RBFOX1: variants seen among roughly 807,000 people sequenced by gnomAD.
RBFOX1 encodes RNA binding protein fox-1 homolog 1.
In RBFOX1, 8 loss-of-function variants were observed where a neutral mutation model predicts 57.7. The ratio of observed to expected loss-of-function variants is 0.14; its 90% CI spans 0.08 to 0.25. The LOEUF is 0.25. RBFOX1 is among the 10% of genes least tolerant of loss of function. The pLI, the probability that RBFOX1 is intolerant of heterozygous loss-of-function variation, is 1.00. For missense variants in RBFOX1, 611 were observed against 548.5 expected (o/e 1.11, Z -1.14); for synonymous variants, 326 against 222.4 (o/e 1.47, Z -4.15).
intron 4 of RBFOX1, among the ~76,000 whole-genome samples, chr16:7,132,433 GACACACACACACACACACACACACACAC>G (rs36226659): frequency 1.4e-5 from 2 of 144,804 alleles, no homozygotes; most frequent in South Asian, 2.2e-4. Flanking sequence ...GTGATACACA[GACACACACACACACACACACACACACAC>G]ACACACACAC....
At chr16:5,296,996 G>A (rs114431940) in intron 1 of RBFOX1, among the ~76,000 whole-genome samples, 2,869 of 152,128 alleles carry the variant, frequency 0.019, 81 homozygotes, top group African/African-American at 0.065. Flanking sequence ...GATTCCACAT[G>A]TATTTGAGAT....
At chr16:7,263,903 A>G (rs2095027567) in intron 4 of RBFOX1, among the ~76,000 whole-genome samples, 1 of 143,160 alleles carries the variant, frequency 7.0e-6, no homozygotes, top group Non-Finnish European at 1.5e-5. Flanking sequence ...TCAGTCTCAA[A>G]ATATATATAT....
At chr16:7,701,163 AAC>A (rs2080558740) in intron 14 of RBFOX1, among the ~76,000 whole-genome samples, 1 of 147,372 alleles carries the variant, frequency 6.8e-6, no homozygotes, top group Non-Finnish European at 1.5e-5. Flanking sequence ...ATGAAACTCA[AAC>A]AGAGCCAAGT....
intron 2 of RBFOX1, among the ~76,000 whole-genome samples, chr16:5,489,015 T>G (rs1451872612): frequency 6.6e-6 from 1 of 152,242 alleles, no homozygotes; most frequent in Non-Finnish European, 1.5e-5. Flanking sequence ...TGTCATTTTC[T>G]GCATTTTCAT....
rs375969542 is a variant in RBFOX1 at position 7,318,974 on chromosome 16, A to C, written c.28-199173A>C. 5.9e-5 allele frequency among the ~76,000 whole-genome samples: 9 copies of C among 152,320 alleles called. No individual in the cohort carries two copies. The East Asian group carries it at 1.7e-3, about 29-fold the overall frequency. ...CCTGCAAATGTTAGGTCCCAGTGGG[A>C]GTATGGGAACATATGGGATGAACCA... On this transcript the variant is annotated intron_variant, in intron 4 of 15. Transcript: ENST00000550418.
intron 4 of RBFOX1, among the ~76,000 whole-genome samples, chr16:5,940,326 A>T (rs560097099): frequency 2.0e-5 from 3 of 152,316 alleles, no homozygotes; most frequent in Admixed American, 6.5e-5. Context: ...CATTTAGCTT[A>T]TTGAGCATCT....
chr16:5,350,939 A>T (rs915412079), intron 1 of RBFOX1, among the ~76,000 whole-genome samples: 6 of 152,204 alleles, frequency 3.9e-5, no homozygotes, highest in Non-Finnish European at 8.8e-5. Flanking sequence ...AGAGGAATGC[A>T]TGAGCCCAGC....
intron 3 of RBFOX1, among the ~76,000 whole-genome samples, chr16:6,732,989 T>A (rs2154175402): frequency 6.6e-6 from 1 of 152,342 alleles, no homozygotes; most frequent in African/African-American, 2.4e-5. Flanking sequence ...GAATTATAAT[T>A]TCTTTATTGG....
intron 4 of RBFOX1, among the ~76,000 whole-genome samples, chr16:5,965,793 G>A (rs908017706): frequency 6.6e-6 from 1 of 152,144 alleles, no homozygotes; most frequent in Non-Finnish European, 1.5e-5. Flanking sequence ...TGGGTGTGGG[G>A]ACCAGGTTTC....
chr16:7,513,958 C>G (rs886995029), intron 4 of RBFOX1, among the ~76,000 whole-genome samples: 13 of 152,206 alleles, frequency 8.5e-5, no homozygotes, highest in African/African-American at 2.9e-4. Context: ...TATCACCCCT[C>G]TTTGGTTTGG....
At chr16:7,189,268 A>G (rs1033915898) in intron 4 of RBFOX1, among the ~76,000 whole-genome samples, 5 of 151,748 alleles carry the variant, frequency 3.3e-5, no homozygotes, top group Non-Finnish European at 7.4e-5. Context: ...TACTAAAAAT[A>G]CAAAAAAATT....
At chr16:6,077,891 C>T (rs1231249239) in intron 1 of RBFOX1, among the ~76,000 whole-genome samples, 1 of 152,026 alleles carries the variant, frequency 6.6e-6, no homozygotes, top group African/African-American at 2.4e-5. Flanking sequence ...ATGTTAGGAA[C>T]ATCCAAGGAG....
At chr16:5,825,058 C>G (rs2055987100) in intron 3 of RBFOX1, among the ~76,000 whole-genome samples, 1 of 152,186 alleles carries the variant, frequency 6.6e-6, no homozygotes, top group Non-Finnish European at 1.5e-5. Flanking sequence ...GAGAGTTTGA[C>G]TAAGAAGTTA....
chr16:6,920,751 G>A, intron 3 of RBFOX1, among the ~76,000 whole-genome samples: 1 of 152,158 alleles, frequency 6.6e-6, no homozygotes, highest in East Asian at 1.9e-4. Flanking sequence ...TCTGCAGTGG[G>A]CTTTCCCTCT....
At chr16:6,141,426 G>C (rs903774067) in intron 1 of RBFOX1, among the ~76,000 whole-genome samples, 2 of 152,096 alleles carry the variant, frequency 1.3e-5, no homozygotes, top group Admixed American at 1.3e-4. Flanking sequence ...CTCCCCCTGG[G>C]TTATCTGTTA....
chr16:6,885,253 G>A (rs576075982), intron 3 of RBFOX1, among the ~76,000 whole-genome samples: 5 of 152,242 alleles, frequency 3.3e-5, no homozygotes, highest in South Asian at 4.1e-4. Context: ...GTCCAGCAGC[G>A]TCAGCATCAC....
chr16:5,757,097 G>T (rs1264711629), intron 3 of RBFOX1, among the ~76,000 whole-genome samples: 1 of 152,266 alleles, frequency 6.6e-6, no homozygotes, highest in East Asian at 1.9e-4. Context: ...CTAAAATTAA[G>T]AACCAAGTTG....
chr16:7,143,205 T>G (rs2074217419), intron 4 of RBFOX1, among the ~76,000 whole-genome samples: 1 of 152,094 alleles, frequency 6.6e-6, no homozygotes, highest in African/African-American at 2.4e-5. Flanking sequence ...CAGGGTGATA[T>G]TTTTTGTCAT....
chr16:5,263,819 T>G (rs2062794938), intron 1 of RBFOX1, among the ~76,000 whole-genome samples: 1 of 152,198 alleles, frequency 6.6e-6, no homozygotes, highest in Non-Finnish European at 1.5e-5. Flanking sequence ...AGTCAATTGT[T>G]ACAGCAAATA....
Sources: allele counts gnomAD v4.1 joint callset (sites outside exome capture counted in the v4.1 genomes callset), GRCh38; gene constraint gnomAD v4.1.1; transcripts MANE v1.5; gene names NCBI Gene and HGNC (gene_info 2026-07-23, HGNC 2026-07-21).